MARCHF8: variants seen among roughly 807,000 people sequenced by gnomAD.
MARCHF8 encodes membrane associated ring-CH-type finger 8, also known as E3 ubiquitin-protein ligase MARCHF8.
Under a neutral mutation model 51.6 loss-of-function variants are expected in MARCHF8, and 40 were observed. The ratio of observed to expected loss-of-function variants is 0.77; its 90% CI spans 0.60 to 1.01. The LOEUF is 1.01. Ranked by LOEUF, MARCHF8 falls within the 50% of genes least tolerant of loss-of-function variation. The pLI is 0.00. For synonymous variants in MARCHF8, 263 were observed against 280.3 expected (o/e 0.94, Z 0.62); for missense variants, 685 against 708.6 (o/e 0.97, Z 0.38).
intron 1 of MARCHF8, among the ~76,000 whole-genome samples, chr10:45,553,552 G>GT: frequency 1.3e-5 from 2 of 152,264 alleles, no homozygotes; most frequent in Middle Eastern, 6.8e-3. Context: ...CAAAAAATAA[G>GT]TATGTATATA....
chr10:45,482,575 G>A (rs566993487), intron 3 of MARCHF8, among the ~76,000 whole-genome samples: 1 of 152,282 alleles, frequency 6.6e-6, no homozygotes, highest in East Asian at 1.9e-4. Flanking sequence ...CCAACTTGGT[G>A]AAACCCCATC....
chr10:45,517,672 C>T (rs569620433), intron 2 of MARCHF8, among the ~76,000 whole-genome samples: 52 of 152,332 alleles, frequency 3.4e-4, no homozygotes, highest in African/African-American at 1.2e-3. Flanking sequence ...TTATGAATTA[C>T]TCAGTCTCAG....
At chr10:45,478,991 C>T (rs1001576791) in intron 3 of MARCHF8, among the ~76,000 whole-genome samples, 6 of 152,226 alleles carry the variant, frequency 3.9e-5, no homozygotes, top group Non-Finnish European at 8.8e-5. Flanking sequence ...CTCCTTAACT[C>T]ATTCTACTAG....
Position 45,461,388 on chromosome 10 carries a change from T to C in MARCHF8, c.1112A>G (p.Asp371Gly). Residue 371 changes from aspartate (D) to glycine (G), a missense_variant, in exon 6 of 8, where the codon GAT (aspartate) becomes GGT (glycine). Transcript: ENST00000453424. ...GCAGGGGGTGATCAGGGGGCTCTCA[T>C]CATCTCCTTCACAGTGGCAGATCCT... is the stretch of plus-strand genomic sequence containing the variant. ...VCRICHCEGD[D>G]ESPLITPCHC... 5 of 1,588,568 alleles carry C rather than the reference T, an allele frequency of 3.1e-6. No individual in the cohort carries two copies. Among genetic ancestry groups the C allele is most frequent in the Non-Finnish European group, 4.3e-6 (5 of 1,169,014 alleles).
intron 2 of MARCHF8, among the ~76,000 whole-genome samples, chr10:45,529,453 A>G (rs1353794927): frequency 6.6e-6 from 1 of 152,326 alleles, no homozygotes; most frequent in South Asian, 2.1e-4. Flanking sequence ...GAAAGCTACA[A>G]AAATGAAAAT....
chr10:45,516,149 G>C (rs2043614285), intron 2 of MARCHF8, among the ~76,000 whole-genome samples: 1 of 152,180 alleles, frequency 6.6e-6, no homozygotes, highest in African/African-American at 2.4e-5. Context: ...TCTCTACAGA[G>C]ACTTATTTCC....
At position 45,458,507 on chromosome 10, in the gene MARCHF8, A is replaced by T; in HGVS notation, c.1454T>A (p.Val485Asp). The change falls in exon 8 of 8, where the codon GTT becomes GAT. Residue 485 changes from valine to aspartate, a missense_variant. By Grantham distance (152) the Val-to-Asp change is radical (BLOSUM62 -3). Coordinates refer to ENST00000453424, the MANE Select transcript of MARCHF8 (RefSeq NM_001282866.2). ...LEWPFWTKLVVVAIGFTGGLL... is the reference protein window; with the variant it reads ...LEWPFWTKLVDVAIGFTGGLL... ...TCCTCCGGTGAAGCCGATGGCCACA[A>T]CCACCAATTTAGTCCAAAAGGGCCA... 1 of 1,609,640 alleles carries T rather than the reference A, an allele frequency of 6.2e-7. No homozygotes were observed. Among genetic ancestry groups the T allele is most frequent in the Non-Finnish European group, 8.5e-7 (1 of 1,178,110 alleles).
chr10:45,544,429 T>C (rs1484233618), intron 1 of MARCHF8, among the ~76,000 whole-genome samples: 2 of 152,192 alleles, frequency 1.3e-5, no homozygotes, highest in Non-Finnish European at 2.9e-5. Context: ...TGAATGTGCA[T>C]AGCAGCATTC....
chr10:45,541,071 A>T (rs1370989175), intron 1 of MARCHF8, among the ~76,000 whole-genome samples: 1 of 152,240 alleles, frequency 6.6e-6, no homozygotes, highest in Non-Finnish European at 1.5e-5. Context: ...ATTACTTGGT[A>T]TATACTCAAA....
rs1355810256 is a variant in MARCHF8, at chr10:45,463,364, G to C, written c.875C>G (p.Ser292Cys). 3 of 1,550,798 alleles carry C rather than the reference G, an allele frequency of 1.9e-6. No individual in the cohort carries two copies. In the South Asian group the frequency reaches 3.6e-5, roughly 18 times the overall value. ...CATACTCCCTGCCAGCCCGCTGGAG[G>C]ACTTGGCAGTGTGCAGGCGAGCAGC... Reference protein sequence around the residue: ...SCAARLHTAKSSSGLAGSMGF... With the variant: ...SCAARLHTAKCSSGLAGSMGF... Residue 292 changes from serine (S) to cysteine (C), a missense_variant, in exon 5 of 8, where the codon TCC (serine) becomes TGC (cysteine). Coordinates refer to ENST00000453424, the MANE Select transcript of MARCHF8 (RefSeq NM_001282866.2).
At chr10:45,550,594 A>T (rs1248128455) in intron 1 of MARCHF8, among the ~76,000 whole-genome samples, 6 of 152,142 alleles carry the variant, frequency 3.9e-5, no homozygotes, top group Non-Finnish European at 7.4e-5. Flanking sequence ...CCAGAGCAGA[A>T]TTTGCCTCAC....
chr10:45,534,917 A>G (rs1272478710), intron 1 of MARCHF8, among the ~76,000 whole-genome samples: 2 of 152,252 alleles, frequency 1.3e-5, no homozygotes, highest in Non-Finnish European at 2.9e-5. Flanking sequence ...ACACAACTCT[A>G]GAATCAATGA....
At chr10:45,532,479 T>G (rs1000369467) in intron 2 of MARCHF8, among the ~76,000 whole-genome samples, 4 of 152,200 alleles carry the variant, frequency 2.6e-5, no homozygotes, top group African/African-American at 9.7e-5. Flanking sequence ...GGGAGACAAT[T>G]AGGTCCTAGG....
At chr10:45,464,122 C>A in intron 4 of MARCHF8, 117 bp downstream of exon 4, 8 of 1,540,830 alleles carry the variant, frequency 5.2e-6, no homozygotes, top group Non-Finnish European at 7.1e-6. Flanking sequence ...TAAAACTCGC[C>A]AACTGTTTAG....
intron 3 of MARCHF8, among the ~76,000 whole-genome samples, chr10:45,465,439 G>T (rs551620535): frequency 3.3e-5 from 5 of 152,276 alleles, no homozygotes; most frequent in African/African-American, 1.2e-4. Context: ...TTCCCTGGCT[G>T]AGGCCTAGTC....
At chr10:45,539,522 A>G (rs1225080194), upstream of MARCHF8, among the ~76,000 whole-genome samples, 1 of 152,226 alleles carries the variant, frequency 6.6e-6, no homozygotes, top group African/African-American at 2.4e-5. Context: ...ATAATCAATG[A>G]ACCCAGGAGC....
At chr10:45,481,999 T>C (rs12779281) in intron 3 of MARCHF8, among the ~76,000 whole-genome samples, 9,533 of 152,190 alleles carry the variant, frequency 0.063, 336 homozygotes, top group Non-Finnish European at 0.067. Context: ...ATACAAAAGT[T>C]GATAGTGTTT....
chr10:45,573,426 A>C (rs2044454016), intron 1 of MARCHF8, among the ~76,000 whole-genome samples: 1 of 152,144 alleles, frequency 6.6e-6, no homozygotes, highest in Non-Finnish European at 1.5e-5. Context: ...AAGAACTCCA[A>C]ACACCTGAAC....
At chr10:45,528,425 C>T (rs1564503185) in intron 2 of MARCHF8, among the ~76,000 whole-genome samples, 1 of 152,142 alleles carries the variant, frequency 6.6e-6, no homozygotes, top group Non-Finnish European at 1.5e-5. Flanking sequence ...AATCGACCTA[C>T]AAAATCAGTA....
Sources: gnomAD v4.1 joint callset for allele counts (sites outside exome capture counted in the v4.1 genomes callset) on GRCh38, gnomAD v4.1.1 for gene constraint, MANE v1.5 for transcripts, NCBI Gene and HGNC (gene_info 2026-07-23, HGNC 2026-07-21) for gene names.